Variants in ALK observed in about 807,000 individuals in gnomAD.
ALK encodes ALK tyrosine kinase receptor.
Under a neutral mutation model 163.1 loss-of-function variants are expected in ALK, and 74 were observed. The observed-to-expected ratio is 0.45, with a 90% confidence interval of 0.38 to 0.55. The LOEUF is 0.55. Ranked by LOEUF, ALK falls within the 20% of genes least tolerant of loss-of-function variation. The pLI is 0.00. For synonymous variants in ALK, 960 were observed against 843.2 expected, an observed-to-expected ratio of 1.14 and a Z score of -2.40; for missense variants, 2,063 against 2,105.3, an observed-to-expected ratio of 0.98 and a Z score of 0.39.
intron 3 of ALK, among the ~76,000 whole-genome samples, chr2:29,541,984 C>T (rs1423490927): frequency 6.6e-6 from 1 of 152,200 alleles, no homozygotes. Flanking sequence ...GGCCATACTC[C>T]AAGTCCCCAT....
rs78956912 is a variant in ALK at position 29,247,291 on chromosome 2, G to T, written c.2204+3814C>A. Among the ~76,000 whole-genome samples, 726 of 152,344 alleles carry T rather than the reference G, an allele frequency of 4.8e-3. 4 individuals carry two copies. The highest frequency in any genetic ancestry group is 0.016 in the African/African-American group (676 of 41,580). ...CAGCAGGGCCTCTGGGGCAGGGCTG[G>T]ATCTTCATCACCTTTGCACACTTGG... On this transcript the variant is annotated intron_variant, in intron 12 of 28. Coordinates refer to ENST00000389048, the MANE Select transcript of ALK (RefSeq NM_004304.5).
chr2:29,612,133 C>G (rs1422760748), intron 3 of ALK, among the ~76,000 whole-genome samples: 1 of 152,156 alleles, frequency 6.6e-6, no homozygotes, highest in Non-Finnish European at 1.5e-5. Flanking sequence ...TCCTCCCTTC[C>G]CCCTCCCACT....
chr2:29,561,970 G>A (rs528778084), intron 3 of ALK, among the ~76,000 whole-genome samples: 1 of 152,294 alleles, frequency 6.6e-6, no homozygotes, highest in East Asian at 1.9e-4. Flanking sequence ...CACTGACCCA[G>A]GGCCTTGCTC....
At chr2:29,523,975 C>A (rs10174993) in intron 4 of ALK, among the ~76,000 whole-genome samples, 7,121 of 148,394 alleles carry the variant, frequency 0.048, 360 homozygotes, top group African/African-American at 0.13. Flanking sequence ...ACAACCTTCA[C>A]AGTTGAGGTG....
intron 11 of ALK, among the ~76,000 whole-genome samples, chr2:29,261,630 C>G (rs762602043): frequency 2.6e-5 from 4 of 152,168 alleles, no homozygotes; most frequent in Non-Finnish European, 5.9e-5. Flanking sequence ...TATGCTCTGC[C>G]TATTTTCGAT....
At chr2:29,215,258 T>C (rs1669571024) in intron 23 of ALK, among the ~76,000 whole-genome samples, 1 of 152,142 alleles carries the variant, frequency 6.6e-6, no homozygotes, top group Admixed American at 6.6e-5. Context: ...GCGGCAGCGG[T>C]GGAACCAGGT....
At chr2:29,711,761 G>A (rs113866941) in intron 2 of ALK, among the ~76,000 whole-genome samples, 46 of 152,172 alleles carry the variant, frequency 3.0e-4, no homozygotes, top group African/African-American at 1.0e-3. Flanking sequence ...GAGAGCCAAG[G>A]GCGACCCCTA....
At chr2:29,845,315 TGGG>T (rs964041418) in intron 1 of ALK, among the ~76,000 whole-genome samples, 4 of 152,216 alleles carry the variant, frequency 2.6e-5, no homozygotes, top group African/African-American at 9.7e-5. Context: ...ACTTTAATTC[TGGG>T]GGATGTTAAT....
intron 4 of ALK, among the ~76,000 whole-genome samples, chr2:29,521,296 G>T (rs1672805206): frequency 6.6e-6 from 1 of 152,142 alleles, no homozygotes; most frequent in Admixed American, 6.5e-5. Flanking sequence ...CCTGGGCTCA[G>T]CCTGCTCTCA....
chr2:29,508,316 T>C (rs954004672), intron 4 of ALK, among the ~76,000 whole-genome samples: 4 of 152,124 alleles, frequency 2.6e-5, no homozygotes, highest in African/African-American at 9.7e-5. Context: ...GTCAGCTTGT[T>C]AGAAATGCAG....
chr2:29,333,221 T>G (rs1667502978), intron 5 of ALK, among the ~76,000 whole-genome samples: 1 of 152,180 alleles, frequency 6.6e-6, no homozygotes, highest in Non-Finnish European at 1.5e-5. Context: ...GTTGAAGTGA[T>G]TCTCCTGCCT....
intron 4 of ALK, among the ~76,000 whole-genome samples, chr2:29,496,056 T>G (rs1429425425): frequency 6.6e-6 from 1 of 152,116 alleles, no homozygotes; most frequent in African/African-American, 2.4e-5. Flanking sequence ...TGCGGCCGCC[T>G]TTTTCCCATG....
intron 1 of ALK, among the ~76,000 whole-genome samples, chr2:29,730,490 G>T (rs535754849): frequency 2.8e-4 from 43 of 152,174 alleles, no homozygotes; most frequent in African/African-American, 1.0e-3. Context: ...GAGGGATAGA[G>T]TTCTATCTCT....
intron 4 of ALK, among the ~76,000 whole-genome samples, chr2:29,503,933 T>C (rs1329071835): frequency 3.3e-5 from 5 of 151,898 alleles, no homozygotes; most frequent in Admixed American, 3.3e-4. Context: ...AAAGTAATTG[T>C]GGTTTTTACC....
chr2:29,505,711 A>C (rs532546515), intron 4 of ALK, among the ~76,000 whole-genome samples: 1 of 151,974 alleles, frequency 6.6e-6, no homozygotes, highest in Non-Finnish European at 1.5e-5. Flanking sequence ...CAGCCACATC[A>C]GATAATTCAT....
chr2:29,589,171 C>T (rs1287775098), intron 3 of ALK, among the ~76,000 whole-genome samples: 7 of 152,164 alleles, frequency 4.6e-5, no homozygotes, highest in Admixed American at 4.6e-4. Flanking sequence ...ACTACCAAAG[C>T]TTGCAGGTGA....
At chr2:29,523,908 G>C (rs1036014830) in intron 4 of ALK, among the ~76,000 whole-genome samples, 4 of 127,706 alleles carry the variant, frequency 3.1e-5, no homozygotes, top group Admixed American at 9.2e-5. Flanking sequence ...ATCAATGAAA[G>C]CAATCGTGAG....
chr2:29,765,782 G>A (rs1680845783), intron 1 of ALK, among the ~76,000 whole-genome samples: 1 of 152,124 alleles, frequency 6.6e-6, no homozygotes. Context: ...GGTGGGCTGG[G>A]AGATGTTTAA....
intron 3 of ALK, among the ~76,000 whole-genome samples, chr2:29,599,857 C>T (rs1363186843): frequency 1.3e-5 from 2 of 152,182 alleles, no homozygotes; most frequent in African/African-American, 4.8e-5. Context: ...TGCTCTTTGC[C>T]TGTAGTAAGG....
Sources: gnomAD v4.1 joint callset for allele counts (sites outside exome capture counted in the v4.1 genomes callset) on GRCh38, gnomAD v4.1.1 for gene constraint, MANE v1.5 for transcripts, NCBI Gene and HGNC (gene_info 2026-07-23, HGNC 2026-07-21) for gene names.